The following DNAJC1 variants were observed in gnomAD, a reference collection of about 807,000 sequenced individuals.
The protein encoded by DNAJC1 is DnaJ heat shock protein family (Hsp40) member C1.
A neutral mutation model predicts 76.6 loss-of-function variants in DNAJC1; 58 were observed. That is an observed-to-expected ratio of 0.76 (90% CI 0.61 to 0.94). DNAJC1 has a LOEUF of 0.94. Among genes scored for constraint, DNAJC1 ranks in the 40% least tolerant of loss-of-function variants. The pLI, the probability that DNAJC1 is intolerant of heterozygous loss-of-function variation, is 0.00. For missense variants in DNAJC1, 689 were observed against 677.3 expected (o/e 1.02, Z -0.19); for synonymous variants, 258 against 267.9 (o/e 0.96, Z 0.36).
chr10:21,760,445 C>A (rs1392643622), intron 10 of DNAJC1, among the ~76,000 whole-genome samples: 2 of 152,180 alleles, frequency 1.3e-5, no homozygotes, highest in African/African-American at 4.8e-5. Context: ...TGATGAGTAT[C>A]AGAGAACTAA....
chr10:21,830,277 T>C (rs1414236475), intron 8 of DNAJC1, among the ~76,000 whole-genome samples: 1 of 152,242 alleles, frequency 6.6e-6, no homozygotes, highest in African/African-American at 2.4e-5. Context: ...GACTTCATGG[T>C]AAGGGTCCAT....
At position 21,834,297 on chromosome 10, in the gene DNAJC1, C is replaced by G. The variant is rs1002917824; in HGVS notation, c.979-28198G>C. On this transcript the variant is annotated intron_variant, in intron 8 of 11. Transcript: ENST00000376980. ...ATAAGAAAGAAAGAAAGAGGGGCTC[C>G]CCAGTGAAACGTTGTTTAAAAGACC... 1.3e-4 allele frequency among the ~76,000 whole-genome samples: 20 copies of G among 152,022 alleles called. 1 individual carries two copies. The highest frequency in any genetic ancestry group is 1.5e-5 in the Non-Finnish European group (1 of 67,982).
At chr10:21,910,521 C>A (rs1836837373) in intron 6 of DNAJC1, among the ~76,000 whole-genome samples, 1 of 151,712 alleles carries the variant, frequency 6.6e-6, no homozygotes, top group South Asian at 2.1e-4. Context: ...ACATATTAAG[C>A]AATCCAAAGA....
intron 1 of DNAJC1, among the ~76,000 whole-genome samples, chr10:21,954,753 T>C (rs570391690): frequency 6.6e-5 from 10 of 152,228 alleles, no homozygotes; most frequent in African/African-American, 2.4e-4. Context: ...TCTAAGCTTA[T>C]CACATAATAA....
At chr10:21,873,286 T>C (rs1836134204) in intron 8 of DNAJC1, among the ~76,000 whole-genome samples, 1 of 152,158 alleles carries the variant, frequency 6.6e-6, no homozygotes, top group African/African-American at 2.4e-5. Flanking sequence ...GGTTCTTGCC[T>C]GCGGCTCATC....
At chr10:21,826,397 C>A (rs1199926431) in intron 8 of DNAJC1, among the ~76,000 whole-genome samples, 8 of 152,258 alleles carry the variant, frequency 5.3e-5, no homozygotes, top group African/African-American at 1.4e-4. Flanking sequence ...CTCAAGCAAT[C>A]TTCCTGCCTC....
At chr10:21,915,912 G>C (rs912872575) in intron 6 of DNAJC1, among the ~76,000 whole-genome samples, 1 of 151,544 alleles carries the variant, frequency 6.6e-6, no homozygotes, top group Admixed American at 6.6e-5. Context: ...GAAGGCTGAG[G>C]TGGGGGGATC....
intron 8 of DNAJC1, among the ~76,000 whole-genome samples, chr10:21,831,108 TA>T (rs1835350540): frequency 6.6e-6 from 1 of 152,096 alleles, no homozygotes. Flanking sequence ...CTGGGTGGGG[TA>T]GTGGGGGTGG....
intron 6 of DNAJC1, among the ~76,000 whole-genome samples, chr10:21,915,264 G>C (rs1836933164): frequency 6.6e-6 from 1 of 152,162 alleles, no homozygotes; most frequent in African/African-American, 2.4e-5. Flanking sequence ...AGTAATAAAA[G>C]CGAACTTGGG....
intron 7 of DNAJC1, among the ~76,000 whole-genome samples, chr10:21,886,449 G>C (rs1014663580): frequency 1.3e-5 from 2 of 152,036 alleles, no homozygotes; most frequent in Non-Finnish European, 2.9e-5. Context: ...AAAAAACTGA[G>C]GAGGAAGGAC....
At chr10:21,813,218 CTCTATATATATA>C (rs1835012468) in intron 8 of DNAJC1, among the ~76,000 whole-genome samples, 1 of 29,626 alleles carries the variant, frequency 3.4e-5, no homozygotes, top group Non-Finnish European at 5.7e-5. Flanking sequence ...CTCTCTCTCT[CTCTATATATATA>C]TATATATATA....
At chr10:21,847,724 T>A (rs893832558) in intron 8 of DNAJC1, among the ~76,000 whole-genome samples, 13 of 152,164 alleles carry the variant, frequency 8.5e-5, no homozygotes, top group African/African-American at 3.1e-4. Context: ...AAAATTAACA[T>A]AACGTCCTCT....
At chr10:21,971,763 A>G (rs954201615) in intron 1 of DNAJC1, among the ~76,000 whole-genome samples, 1 of 151,950 alleles carries the variant, frequency 6.6e-6, no homozygotes, top group African/African-American at 2.4e-5. Context: ...AAATATGAAT[A>G]TATGACATTA....
intron 1 of DNAJC1, among the ~76,000 whole-genome samples, chr10:21,963,740 T>C (rs900044814): frequency 3.3e-5 from 5 of 152,250 alleles, no homozygotes; most frequent in African/African-American, 1.2e-4. Flanking sequence ...ATTTTTTCAT[T>C]GGCTCAATTT....
At chr10:21,998,120 G>A (rs11596441) in intron 1 of DNAJC1, among the ~76,000 whole-genome samples, 1 of 152,148 alleles carries the variant, frequency 6.6e-6, no homozygotes, top group African/African-American at 2.4e-5. Context: ...GCTGGGCGCA[G>A]TGGTTCACGC....
intron 8 of DNAJC1, among the ~76,000 whole-genome samples, chr10:21,813,220 C>CTCTCTCTA (rs1438462566): frequency 1.6e-4 from 3 of 19,086 alleles, no homozygotes; most frequent in African/African-American, 2.6e-4. Context: ...CTCTCTCTCT[C>CTCTCTCTA]TATATATATA....
At chr10:21,953,821 T>TAAAAAAA (rs779370823) in intron 1 of DNAJC1, among the ~76,000 whole-genome samples, 7 of 84,914 alleles carry the variant, frequency 8.2e-5, no homozygotes, top group African/African-American at 1.9e-4. Context: ...AACTGAACTT[T>TAAAAAAA]AAAAAAAAAA....
intron 11 of DNAJC1, among the ~76,000 whole-genome samples, chr10:21,758,772 C>G (rs1214673822): frequency 1.3e-5 from 2 of 152,242 alleles, no homozygotes; most frequent in Admixed American, 6.5e-5. Flanking sequence ...TATGAACCCT[C>G]AGCCTGGTTC....
At chr10:21,759,049 A>G in intron 11 of DNAJC1, 121 bp downstream of exon 11, 2 of 1,004,414 alleles carry the variant, frequency 2.0e-6, no homozygotes, top group Non-Finnish European at 3.0e-6. Flanking sequence ...AATGGGAAAG[A>G]AGAAATCACG....
Sources: gnomAD v4.1 joint callset for allele counts (sites outside exome capture counted in the v4.1 genomes callset) on GRCh38, gnomAD v4.1.1 for gene constraint, MANE v1.5 for transcripts, NCBI Gene and HGNC (gene_info 2026-07-23, HGNC 2026-07-21) for gene names.